The following TENM1 variants were observed in gnomAD, a reference collection of about 807,000 sequenced individuals.
The protein encoded by TENM1 is teneurin transmembrane protein 1.
TENM1 carries 35 observed loss-of-function variants against 174.8 expected under a neutral mutation model. The ratio of observed to expected loss-of-function variants is 0.20; its 90% confidence interval spans 0.15 to 0.27. The LOEUF (loss-of-function observed/expected upper bound fraction) is 0.27, where lower values mean the gene tolerates loss of function less well. Ranked by LOEUF, TENM1 falls within the 10% of genes least tolerant of loss-of-function variation. TENM1 has a pLI of 1.00. For missense variants in TENM1, 1,633 were observed against 2,130.1 expected (o/e 0.77, Z 4.59); for synonymous variants, 781 against 798.7 (o/e 0.98, Z 0.37).
chrX:124,775,303 CAA>C (rs35934307), intron 3 of TENM1, among the ~76,000 whole-genome samples: 28 of 50,244 alleles, frequency 5.6e-4, no homozygotes, highest in Admixed American at 4.6e-4. Flanking sequence ...AAGACTCCGT[CAA>C]AAAAAAAAAA....
chrX:124,809,835 T>G (rs767492318), intron 3 of TENM1, among the ~76,000 whole-genome samples: 1 of 70,928 alleles, frequency 1.4e-5, no homozygotes, highest in South Asian at 9.4e-4. Flanking sequence ...ATATCTTACA[T>G]GACAGCAGGA....
At chrX:124,974,026 C>T in the TENM1 span, among the ~76,000 whole-genome samples, 1 of 111,616 alleles carries the variant, frequency 9.0e-6, no homozygotes, top group Admixed American at 9.5e-5. Context: ...CACCATGGCA[C>T]ATGTATACCT....
chrX:124,562,119 T>G (rs1362172292), intron 13 of TENM1, among the ~76,000 whole-genome samples: 2 of 111,861 alleles, frequency 1.8e-5, no homozygotes, highest in Non-Finnish European at 3.8e-5. Flanking sequence ...TTCTTTTCAC[T>G]AAACATATCT....
chrX:124,876,466 C>T (rs1015777817), intron 3 of TENM1, among the ~76,000 whole-genome samples: 1 of 111,074 alleles, frequency 9.0e-6, no homozygotes, highest in African/African-American at 3.3e-5. Flanking sequence ...AATTTTGCTT[C>T]GGTATTCAGA....
At chrX:124,576,066 C>CT (rs1165356971) in intron 11 of TENM1, among the ~76,000 whole-genome samples, 205 of 106,633 alleles carry the variant, frequency 1.9e-3, no homozygotes, top group Non-Finnish European at 2.6e-3. Flanking sequence ...CAAATATTAA[C>CT]TTTTTTTTTT....
chrX:124,674,393 A>G (rs1372651608), intron 5 of TENM1, among the ~76,000 whole-genome samples: 3 of 107,859 alleles, frequency 2.8e-5, no homozygotes, highest in African/African-American at 6.8e-5. Context: ...GAAAGGGGCT[A>G]ATTAGTATGT....
intron 5 of TENM1, among the ~76,000 whole-genome samples, chrX:124,672,308 T>C (rs561151364): frequency 8.9e-6 from 1 of 111,740 alleles, no homozygotes; most frequent in South Asian, 3.8e-4. Flanking sequence ...AGCCCTATGA[T>C]AGTTGCTGCC....
At chrX:124,509,447 T>C (rs1346911456) in intron 18 of TENM1, among the ~76,000 whole-genome samples, 2 of 111,269 alleles carry the variant, frequency 1.8e-5, no homozygotes, top group Non-Finnish European at 3.8e-5. Flanking sequence ...AGGCATATTT[T>C]GAGGGGAGGC....
chrX:124,673,120 C>T (rs2051965611), intron 5 of TENM1, among the ~76,000 whole-genome samples: 1 of 111,432 alleles, frequency 9.0e-6, no homozygotes, highest in Non-Finnish European at 1.9e-5. Flanking sequence ...AGATATAGAC[C>T]TTGAAGGATG....
intron 16 of TENM1, among the ~76,000 whole-genome samples, chrX:124,528,040 A>G (rs897019349): frequency 2.0e-4 from 22 of 109,098 alleles, no homozygotes; most frequent in African/African-American, 6.3e-4. Flanking sequence ...AGACATATAA[A>G]TGGAAACTCT....
At chrX:125,188,142 G>A in the TENM1 span, among the ~76,000 whole-genome samples, 3 of 111,157 alleles carry the variant, frequency 2.7e-5, no homozygotes, top group African/African-American at 9.8e-5. Context: ...ACCAGCCTGG[G>A]CAACAGAATG....
intron 22 of TENM1, among the ~76,000 whole-genome samples, chrX:124,462,429 T>TGG: frequency 2.4e-4 from 7 of 28,800 alleles, no homozygotes; most frequent in African/African-American, 1.3e-3. Context: ...TGTGTGTGTG[T>TGG]GTGGGGGGGG....
chrX:124,670,822 C>T (rs919410272), intron 6 of TENM1, among the ~76,000 whole-genome samples: 5 of 110,998 alleles, frequency 4.5e-5, no homozygotes, highest in Non-Finnish European at 7.5e-5. Flanking sequence ...GTGTTACCAC[C>T]TGTATAAAAT....
chrX:124,865,321 A>G (rs2056982231), intron 3 of TENM1, among the ~76,000 whole-genome samples: 1 of 112,263 alleles, frequency 8.9e-6, no homozygotes, highest in South Asian at 3.7e-4. Context: ...AAGACATAGT[A>G]AGTACAATAA....
chrX:124,708,584 T>C (rs1291626131), intron 4 of TENM1, among the ~76,000 whole-genome samples: 1 of 111,413 alleles, frequency 9.0e-6, no homozygotes, highest in Non-Finnish European at 1.9e-5. Flanking sequence ...AATTATTTTA[T>C]AAACACATAA....
chrX:124,451,951 C>T (rs180718610), intron 23 of TENM1, among the ~76,000 whole-genome samples: 92 of 112,089 alleles, frequency 8.2e-4, no homozygotes, highest in African/African-American at 3.0e-3. Context: ...CCATTCAGGA[C>T]ATAGGCATGG....
In TENM1 at chrX:124,955,204, A is replaced by T. The variant is rs181352516; in HGVS notation, c.217+8333T>A. ...TTATTGAAACTGCTTATTTTAAGGC[A>T]GTGGATCCCTATCTTGGATGCACAT... On this transcript the variant is annotated intron_variant, in intron 1 of 31. Coordinates refer to ENST00000422452, the Ensembl canonical transcript of TENM1. Among the ~76,000 whole-genome samples the T allele has an allele frequency of 7.7e-4, 85 of 111,069 alleles. 1 individual carries two copies. Among genetic ancestry groups the T allele is most frequent in the Non-Finnish European group, 1.4e-3 (74 of 53,059 alleles).
chrX:124,875,074 G>T (rs746898257), intron 3 of TENM1, among the ~76,000 whole-genome samples: 64 of 111,487 alleles, frequency 5.7e-4, no homozygotes, highest in Admixed American at 2.3e-3. Context: ...AAGACCAATT[G>T]ATATTTTGTT....
At chrX:125,147,724 C>T in the TENM1 span, among the ~76,000 whole-genome samples, 1 of 111,430 alleles carries the variant, frequency 9.0e-6, no homozygotes, top group Admixed American at 9.5e-5. Context: ...AATTCATAAT[C>T]CTGCATCCAT....
Sources: allele counts gnomAD v4.1 joint callset (sites outside exome capture counted in the v4.1 genomes callset), GRCh38; gene constraint gnomAD v4.1.1; transcripts MANE v1.5; gene names NCBI Gene and HGNC (gene_info 2026-07-23, HGNC 2026-07-21).